AHCYL2: variants seen among roughly 807,000 people sequenced by gnomAD.
AHCYL2 encodes the protein adenosylhomocysteinase like 2, also known as S-adenosylhomocysteine hydrolase-like protein 2.
AHCYL2 carries 28 observed loss-of-function variants against 81.4 expected under a neutral mutation model. The observed-to-expected ratio is 0.34, with a 90% CI of 0.25 to 0.47. The LOEUF is 0.47. Ranked by LOEUF, AHCYL2 falls within the 20% of genes least tolerant of loss-of-function variation. The pLI, the probability that AHCYL2 is intolerant of heterozygous loss-of-function variation, is 1.00. For missense variants in AHCYL2, 551 were observed against 785.1 expected (o/e 0.70, Z 3.56); for synonymous variants, 272 against 290.2 (o/e 0.94, Z 0.64).
chr7:129,321,319 C>G (rs1206787978), intron 1 of AHCYL2, among the ~76,000 whole-genome samples: 1 of 152,160 alleles, frequency 6.6e-6, no homozygotes, highest in African/African-American at 2.4e-5. Context: ...TGTTCTGTAT[C>G]AAGTAAAAGC....
intron 1 of AHCYL2, among the ~76,000 whole-genome samples, chr7:129,252,407 C>T (rs1323050810): frequency 1.3e-5 from 2 of 152,176 alleles, no homozygotes; most frequent in African/African-American, 4.8e-5. Flanking sequence ...AGCTAATACT[C>T]CTTTGGCTTA....
intron 1 of AHCYL2, among the ~76,000 whole-genome samples, chr7:129,322,111 G>A (rs1334657241): frequency 1.4e-5 from 1 of 69,298 alleles, no homozygotes; most frequent in South Asian, 5.4e-4. Context: ...GCCAGGTTTT[G>A]TGTGTGTGTG....
chr7:129,276,650 G>A (rs1255403723), intron 1 of AHCYL2, among the ~76,000 whole-genome samples: 2 of 150,518 alleles, frequency 1.3e-5, no homozygotes, highest in African/African-American at 4.9e-5. Context: ...TTGGGAGGCT[G>A]AGGCATGAGA....
chr7:129,253,327 C>T (rs183566250), intron 1 of AHCYL2, among the ~76,000 whole-genome samples: 17 of 152,284 alleles, frequency 1.1e-4, no homozygotes, highest in African/African-American at 3.8e-4. Flanking sequence ...CTTGCCAAGA[C>T]GTAGCATGTA....
At chr7:129,371,582 A>G (rs1049156560) in intron 1 of AHCYL2, among the ~76,000 whole-genome samples, 101 of 152,202 alleles carry the variant, frequency 6.6e-4, no homozygotes, top group African/African-American at 2.4e-3. Flanking sequence ...TACTGCTGAA[A>G]GGTTGGGGAA....
intron 1 of AHCYL2, 82 bp from the exon 2 acceptor site, chr7:129,379,556 G>A: frequency 1.0e-6 from 1 of 993,546 alleles, no homozygotes; most frequent in Non-Finnish European, 1.5e-6. Context: ...TAGGGAAGGT[G>A]AAAGCCTGTA....
At chr7:129,229,465 G>C (rs1369139770) in intron 1 of AHCYL2, among the ~76,000 whole-genome samples, 1 of 152,062 alleles carries the variant, frequency 6.6e-6, no homozygotes, top group Non-Finnish European at 1.5e-5. Flanking sequence ...ATGAGATCCT[G>C]GGAGGTTAAG....
intron 2 of AHCYL2, among the ~76,000 whole-genome samples, chr7:129,386,652 T>C (rs960717121): frequency 1.3e-5 from 2 of 152,164 alleles, no homozygotes; most frequent in African/African-American, 2.4e-5. Flanking sequence ...AGCCAGAAAT[T>C]GGAATGCTTC....
Position 129,409,477 on chromosome 7 carries a change from A to G in AHCYL2, c.1297A>G (p.Met433Val), listed in dbSNP as rs746484780. 1 of 1,613,656 alleles carries G rather than the reference A, an allele frequency of 6.2e-7. No homozygotes were observed. Among genetic ancestry groups the G allele is most frequent in the Non-Finnish European group, 8.5e-7 (1 of 1,179,718 alleles). Residue 433 changes from methionine (M) to valine (V), a missense_variant and splice_region_variant, in exon 11 of 17, where the codon ATG becomes GTG. Around this residue, in one of 2 missense-constraint regions of AHCYL2, gnomAD observed 316 missense variants for 543.1 expected, o/e 0.58. Coordinates refer to ENST00000325006, the MANE Select transcript of AHCYL2 (RefSeq NM_015328.4). ...IDPICALQAC[M>V]DGFRLVKLNE... ...ATGGGTCATGCTTTATTTCAACAGTATGGATGGATTTCGACTGGTGAAATT... is the reference window on the plus strand; with the variant it reads ...ATGGGTCATGCTTTATTTCAACAGTGTGGATGGATTTCGACTGGTGAAATT...
At position 129,426,653 on chromosome 7, in the gene AHCYL2, C is replaced by T; in HGVS notation, c.1829+90C>T. ...GTCTTTGCATCCCCAACCACATATG[C>T]TTACATGAACTCAGAAAAATGAACC... On this transcript the variant is annotated intron_variant, in intron 16 of 16. Transcript: ENST00000325006. The surrounding 1 kb of genome is among the most constrained non-coding windows in gnomAD (Gnocchi z 4.3). 6.6e-7 allele frequency: 1 copy of T among 1,513,764 alleles called. No individual in the cohort carries two copies. Among genetic ancestry groups the T allele is most frequent in the East Asian group, 2.3e-5 (1 of 44,172 alleles). The allele number at this position is 1,513,764 out of a possible 1,614,324, so 93.8% of individuals were successfully genotyped here.
chr7:129,248,090 T>G (rs1313467551), intron 1 of AHCYL2, among the ~76,000 whole-genome samples: 1 of 152,248 alleles, frequency 6.6e-6, no homozygotes, highest in African/African-American at 2.4e-5. Context: ...CACCATTAGT[T>G]GAAAGAACTA....
intron 1 of AHCYL2, among the ~76,000 whole-genome samples, chr7:129,359,711 C>A (rs145757590): frequency 6.6e-6 from 1 of 152,274 alleles, no homozygotes; most frequent in Non-Finnish European, 1.5e-5. Context: ...TCTTTGAGAA[C>A]AGCTTTAGCT....
chr7:129,401,606 C>G (rs566306554), intron 6 of AHCYL2, among the ~76,000 whole-genome samples: 1 of 152,132 alleles, frequency 6.6e-6, no homozygotes, highest in Admixed American at 6.6e-5. Context: ...GCTTCATATC[C>G]TAAAGGGGTG....
intron 1 of AHCYL2, among the ~76,000 whole-genome samples, chr7:129,374,099 G>A (rs901283961): frequency 2.6e-5 from 4 of 152,090 alleles, no homozygotes; most frequent in African/African-American, 9.7e-5. Context: ...AATCTGATAC[G>A]AAAATGAATT....
chr7:129,420,077 C>A (rs1027615414), intron 12 of AHCYL2, among the ~76,000 whole-genome samples: 1 of 152,160 alleles, frequency 6.6e-6, no homozygotes, highest in Admixed American at 6.5e-5. Context: ...CTCTTCAAAC[C>A]CCTTTTTAAA....
At chr7:129,293,969 G>T (rs944982207) in intron 1 of AHCYL2, among the ~76,000 whole-genome samples, 8 of 152,270 alleles carry the variant, frequency 5.3e-5, no homozygotes, top group African/African-American at 1.9e-4. Context: ...CTTATTGGTT[G>T]TGAAAAGTGC....
chr7:129,226,688 G>A (rs1016214966), intron 1 of AHCYL2, among the ~76,000 whole-genome samples: 1 of 152,178 alleles, frequency 6.6e-6, no homozygotes, highest in Admixed American at 6.5e-5. Context: ...TAGGTGATAA[G>A]TCAGAGGCAA....
intron 1 of AHCYL2, among the ~76,000 whole-genome samples, chr7:129,329,238 GGC>G (rs1798332719): frequency 6.6e-6 from 1 of 152,144 alleles, no homozygotes; most frequent in African/African-American, 2.4e-5. Context: ...GGAGTACAGT[GGC>G]GCGATCACAG....
At chr7:129,276,126 C>G (rs954153668) in intron 1 of AHCYL2, among the ~76,000 whole-genome samples, 1 of 151,728 alleles carries the variant, frequency 6.6e-6, no homozygotes, top group Admixed American at 6.6e-5. Context: ...TTCTAAGTAA[C>G]TCATAGATCA....
Sources: gnomAD v4.1 joint callset for allele counts (sites outside exome capture counted in the v4.1 genomes callset) on GRCh38, gnomAD v4.1.1 for gene constraint, gnomAD v4.1.1 regional missense constraint, Gnocchi (gnomAD v3.1) non-coding constraint, MANE v1.5 for transcripts, NCBI Gene and HGNC (gene_info 2026-07-23, HGNC 2026-07-21) for gene names.